MRPS31: variants seen among roughly 807,000 people sequenced by gnomAD.
MRPS31 encodes the protein small ribosomal subunit protein mS31.
A neutral mutation model predicts 43.1 loss-of-function variants in MRPS31; 32 were observed. The ratio of observed to expected loss-of-function variants is 0.74; its 90% CI spans 0.56 to 1.00. The LOEUF (loss-of-function observed/expected upper bound fraction) is 1.00. Ranked by LOEUF, MRPS31 falls within the 50% of genes least tolerant of loss-of-function variation. MRPS31 has a pLI of 0.00. For synonymous variants in MRPS31, 165 were observed against 161.6 expected (o/e 1.02, Z -0.16); for missense variants, 437 against 466.7 (o/e 0.94, Z 0.59).
intron 6 of MRPS31, among the ~76,000 whole-genome samples, chr13:40,735,385 G>A (rs1879862821): frequency 6.6e-6 from 1 of 152,224 alleles, no homozygotes; most frequent in South Asian, 2.1e-4. Context: ...GGCTTGCTTA[G>A]GTAAACAAAG....
chr13:40,769,416 ATATATT>A (rs1432624433), intron 1 of MRPS31, among the ~76,000 whole-genome samples: 2 of 105,884 alleles, frequency 1.9e-5, no homozygotes, highest in South Asian at 3.3e-4. Context: ...ATATATATAT[ATATATT>A]ATCAAGTTCT....
intron 3 of MRPS31, 70 bp downstream of exon 3, chr13:40,758,878 T>C: frequency 1.5e-6 from 2 of 1,370,632 alleles, no homozygotes; most frequent in Non-Finnish European, 1.9e-6. Flanking sequence ...TGTGTATTAC[T>C]CACTAGCCAT....
At chr13:40,734,907 A>G (rs1879832820) in intron 6 of MRPS31, among the ~76,000 whole-genome samples, 1 of 152,140 alleles carries the variant, frequency 6.6e-6, no homozygotes, top group African/African-American at 2.4e-5. Context: ...AAAAACCCCA[A>G]ATAACGCTAG....
intron 6 of MRPS31, among the ~76,000 whole-genome samples, chr13:40,745,993 G>A (rs1880231120): frequency 1.3e-5 from 2 of 152,064 alleles, no homozygotes; most frequent in Non-Finnish European, 2.9e-5. Context: ...CCTTGAAACG[G>A]AAACAGAAAA....
chr13:40,749,490 A>G, intron 5 of MRPS31: 1 of 363,744 alleles, frequency 2.7e-6, no homozygotes, highest in Non-Finnish European at 4.8e-6. Context: ...TTGTTTTGCA[A>G]CAATGCCAGG....
chr13:40,733,720 C>T (rs768465082), intron 6 of MRPS31, among the ~76,000 whole-genome samples: 3 of 152,132 alleles, frequency 2.0e-5, no homozygotes, highest in Non-Finnish European at 4.4e-5. Context: ...GTAAGCCCAG[C>T]ACTCTGGGAG....
At chr13:40,753,435 T>C (rs1274860874) in intron 5 of MRPS31, among the ~76,000 whole-genome samples, 2 of 152,224 alleles carry the variant, frequency 1.3e-5, no homozygotes, top group Non-Finnish European at 2.9e-5. Flanking sequence ...TCGGTAGTAC[T>C]TACCTCCCGC....
At chr13:40,770,739 G>T (rs989718603) in intron 1 of MRPS31, 2 of 477,090 alleles carry the variant, frequency 4.2e-6, no homozygotes, top group African/African-American at 4.0e-5. Context: ...AAAAACCTGG[G>T]TAAACTGACA....
chr13:40,751,020 T>G (rs2138006561), intron 5 of MRPS31, among the ~76,000 whole-genome samples: 1 of 152,114 alleles, frequency 6.6e-6, no homozygotes, highest in Non-Finnish European at 1.5e-5. Flanking sequence ...AACAAATAGC[T>G]CAATTACTCT....
intron 6 of MRPS31, among the ~76,000 whole-genome samples, chr13:40,745,191 G>C (rs2138002329): frequency 6.6e-6 from 1 of 152,108 alleles, no homozygotes; most frequent in African/African-American, 2.4e-5. Context: ...TAAAGTGCTG[G>C]GATTATAGGC....
rs1478993897 is a variant in MRPS31 at position 40,729,245 on chromosome 13, C to G, written c.*127G>C. 2 of 547,022 alleles carry G rather than the reference C, an allele frequency of 3.7e-6. No individual in the cohort carries two copies. The highest frequency in any genetic ancestry group is 6.3e-6 in the Non-Finnish European group (2 of 319,682). 33.9% of individuals were successfully genotyped at this position (547,022 alleles called of 1,614,324 possible). A position where few individuals can be genotyped will look rare whatever the true frequency, so the allele number is the denominator to read the frequency against. ...TCAGTTACCATCATATTTTTGAAAA[C>G]AATGTAACATTTATACCAGCCAAAT... On this transcript the variant is annotated 3_prime_UTR_variant, in exon 7 of 7. Transcript: ENST00000323563.
chr13:40,740,385 T>C (rs1880048775), intron 6 of MRPS31, among the ~76,000 whole-genome samples: 1 of 117,054 alleles, frequency 8.5e-6, no homozygotes, highest in African/African-American at 4.0e-5. Context: ...TGGCGATTCC[T>C]CAGGGATCTA....
At position 40,771,124 on chromosome 13, in the gene MRPS31, C is replaced by CT; in HGVS notation, c.12dup (p.Val5SerfsTer51). ...GGGCGAAGAGGTAGGAACGTCGAGA[C>CT]TCTAGGAAACATCGCCGAGACACGA... On this transcript the variant is annotated frameshift_variant, in exon 1 of 7. Transcript: ENST00000323563. LOFTEE classifies it high-confidence loss of function. 1 of 1,604,064 alleles carries CT rather than the reference C, an allele frequency of 6.2e-7. No individual in the cohort carries two copies. Among genetic ancestry groups the CT allele is most frequent in the Non-Finnish European group, 8.5e-7 (1 of 1,174,056 alleles).
At chr13:40,729,714 G>C in intron 6 of MRPS31, 113 bp from the exon 7 acceptor site, 1 of 690,966 alleles carries the variant, frequency 1.4e-6, no homozygotes, top group Non-Finnish European at 2.3e-6. Context: ...GAACTTTGGA[G>C]TTAGACCTAG....
chr13:40,749,370 T>G, intron 5 of MRPS31, 89 bp from the exon 6 acceptor site: 1 of 1,033,144 alleles, frequency 9.7e-7, no homozygotes, highest in Admixed American at 3.4e-5. Context: ...GACCATGTAT[T>G]TTTCAGACCC....
chr13:40,735,362 C>A (rs1879861706), intron 6 of MRPS31, among the ~76,000 whole-genome samples: 1 of 152,206 alleles, frequency 6.6e-6, no homozygotes, highest in African/African-American at 2.4e-5. Context: ...GGAGGGGCGC[C>A]CACCATTGCC....
intron 2 of MRPS31, among the ~76,000 whole-genome samples, chr13:40,765,759 G>A (rs1880825514): frequency 6.6e-6 from 1 of 152,192 alleles, no homozygotes; most frequent in Non-Finnish European, 1.5e-5. Context: ...AGAAGTCAGT[G>A]ATGAGTATCC....
chr13:40,752,173 G>C (rs11843037), intron 5 of MRPS31: 2 of 152,136 alleles, frequency 1.3e-5, no homozygotes, highest in African/African-American at 4.8e-5. Context: ...ACAGGCACCC[G>C]CCACCATGCC....
At chr13:40,770,960 G>C (rs1469674793) in intron 1 of MRPS31, 25 bp downstream of exon 1, 1 of 1,613,832 alleles carries the variant, frequency 6.2e-7, no homozygotes, top group South Asian at 1.1e-5. Context: ...TACAGGACGG[G>C]GCACGGGGTT....
Sources: gnomAD v4.1 joint callset for allele counts (sites outside exome capture counted in the v4.1 genomes callset) on GRCh38, gnomAD v4.1.1 for gene constraint, MANE v1.5 for transcripts, NCBI Gene and HGNC (gene_info 2026-07-23, HGNC 2026-07-21) for gene names.